GCNT4: variants seen among roughly 807,000 people sequenced by gnomAD.
GCNT4 encodes the protein beta-1,3-galactosyl-O-glycosyl-glycoprotein beta-1,6-N-acetylglucosaminyltransferase 4.
GCNT4 carries 17 observed loss-of-function variants against 31.3 expected under a neutral mutation model. That is an observed-to-expected ratio of 0.54 (90% confidence interval 0.37 to 0.81). The LOEUF (loss-of-function observed/expected upper bound fraction) is 0.81. Among genes scored for constraint, GCNT4 ranks in the 40% least tolerant of loss-of-function variants. GCNT4 has a pLI of 0.00. For synonymous variants in GCNT4, 158 were observed against 190.6 expected (o/e 0.83, Z 1.41); for missense variants, 503 against 525.5 (o/e 0.96, Z 0.42).
chr5:75,050,240 G>A (rs746103635), intron 2 of GCNT4, among the ~76,000 whole-genome samples: 13 of 152,256 alleles, frequency 8.5e-5, no homozygotes, highest in South Asian at 4.2e-4. Flanking sequence ...TAAATCACTC[G>A]CAGTCACACG....
At chr5:75,017,723 G>A in the GCNT4 span, among the ~76,000 whole-genome samples, 4 of 152,240 alleles carry the variant, frequency 2.6e-5, no homozygotes, top group East Asian at 1.9e-4. Flanking sequence ...CCACTTTCCC[G>A]TGACCATGCC....
downstream of GCNT4, among the ~76,000 whole-genome samples, chr5:75,021,922 A>T (rs969860600): frequency 1.3e-5 from 2 of 152,182 alleles, no homozygotes; most frequent in Non-Finnish European, 2.9e-5. Context: ...TGTTGCCTGT[A>T]AATTATATCA....
intron 3 of GCNT4, among the ~76,000 whole-genome samples, chr5:75,035,085 A>G (rs534336094): frequency 4.3e-5 from 6 of 139,894 alleles, no homozygotes; most frequent in African/African-American, 1.7e-4. Flanking sequence ...ACCCCAGCTA[A>G]GCGGACACGA....
chr5:75,023,357 C>T (rs2149943481), downstream of GCNT4, among the ~76,000 whole-genome samples: 1 of 152,272 alleles, frequency 6.6e-6, no homozygotes, highest in South Asian at 2.1e-4. Flanking sequence ...GCATCCTGCA[C>T]AGTTTCTGAG....
At chr5:75,039,115 C>T (rs1743264030) in intron 3 of GCNT4, among the ~76,000 whole-genome samples, 1 of 151,864 alleles carries the variant, frequency 6.6e-6, no homozygotes, top group Non-Finnish European at 1.5e-5. Flanking sequence ...GACAGGGTCT[C>T]ACTCTGTCAC....
intron 3 of GCNT4, among the ~76,000 whole-genome samples, chr5:75,046,580 G>A (rs1743444239): frequency 6.6e-6 from 1 of 152,134 alleles, no homozygotes; most frequent in Non-Finnish European, 1.5e-5. Context: ...ACCTACCCAA[G>A]AGCAGACAGG....
intron 3 of GCNT4, among the ~76,000 whole-genome samples, chr5:75,035,820 T>C (rs539855027): frequency 1.4e-4 from 22 of 152,320 alleles, no homozygotes; most frequent in African/African-American, 4.8e-4. Context: ...CTGAGATGAT[T>C]AGGGACTTCA....
intron 3 of GCNT4, among the ~76,000 whole-genome samples, chr5:75,040,666 A>C (rs554785937): frequency 1.3e-5 from 2 of 152,366 alleles, no homozygotes; most frequent in Non-Finnish European, 2.9e-5. Context: ...CAACTTTGGT[A>C]TGCAAATGTC....
chr5:75,052,193 T>C lies in GCNT4; in HGVS notation c.-167A>G, dbSNP rs528910444. On this transcript the variant is annotated 5_prime_UTR_variant, in exon 2 of 4. Transcript: ENST00000652361. Reference sequence around the variant, plus strand: ...CATGAGACAATTAAACGCATTATATTAGCCCCAACTCTGTTAATCTTCTGG... The same window carrying C: ...CATGAGACAATTAAACGCATTATATCAGCCCCAACTCTGTTAATCTTCTGG... 8 of 149,680 alleles carry C rather than the reference T, an allele frequency of 5.3e-5. No individual in the cohort carries two copies. The South Asian group carries it at 1.7e-3, about 31-fold the overall frequency. 9.3% of individuals were successfully genotyped at this position (149,680 alleles called of 1,614,324 possible).
At chr5:75,019,280 C>CTTA in the GCNT4 span, among the ~76,000 whole-genome samples, 4,375 of 152,186 alleles carry the variant, frequency 0.029, 106 homozygotes, top group African/African-American at 0.065. Context: ...GGGAGAGAGC[C>CTTA]CTAACCACAC....
At chr5:75,043,978 T>C (rs1005962005) in intron 3 of GCNT4, among the ~76,000 whole-genome samples, 1 of 152,216 alleles carries the variant, frequency 6.6e-6, no homozygotes, top group African/African-American at 2.4e-5. Flanking sequence ...GGAAAGCAGA[T>C]GCCAAGATTT....
At position 75,026,899 on chromosome 5, in the gene GCNT4, AG is replaced by A. The variant is rs1326803151; in HGVS notation, c.*1776del. On this transcript the variant is annotated 3_prime_UTR_variant, in exon 4 of 4. Transcript: ENST00000652361. ...AGTAATTTGAAGGGGGTAAATAAAA[AG>A]GGAGAAAAATGAGTTCAAGAGAAGA... 1 of 152,108 alleles carries A rather than the reference AG, an allele frequency of 6.6e-6. No homozygotes were observed. Among genetic ancestry groups the A allele is most frequent in the African/African-American group, 2.4e-5 (1 of 41,442 alleles). 9.4% of individuals were successfully genotyped at this position (152,108 alleles called of 1,614,324 possible). A position where few individuals can be genotyped will look rare whatever the true frequency, so the allele number is the denominator to read the frequency against.
chr5:75,039,431 T>C (rs905403623), intron 3 of GCNT4, among the ~76,000 whole-genome samples: 1 of 152,242 alleles, frequency 6.6e-6, no homozygotes, highest in Non-Finnish European at 1.5e-5. Flanking sequence ...TCAATTATTC[T>C]ATACTCCATT....
chr5:75,020,558 A>C (rs74713850), downstream of GCNT4, among the ~76,000 whole-genome samples: 1,212 of 152,040 alleles, frequency 8.0e-3, 12 homozygotes, highest in Middle Eastern at 0.027. Flanking sequence ...ATAAAATTAC[A>C]TTTCACCTAC....
At chr5:75,037,814 G>A (rs1387417365) in intron 3 of GCNT4, among the ~76,000 whole-genome samples, 2 of 151,906 alleles carry the variant, frequency 1.3e-5, no homozygotes, top group East Asian at 3.9e-4. Flanking sequence ...GGAGATGGAG[G>A]TTGCAGTGAG....
chr5:75,032,233 C>T lies in GCNT4; in HGVS notation c.-1-2195G>A, dbSNP rs1443459752. Among the ~76,000 whole-genome samples the T allele has an allele frequency of 2.6e-5, 4 of 152,150 alleles. No homozygotes were observed. The South Asian group carries it at 6.2e-4, about 24-fold the overall frequency. On this transcript the variant is annotated intron_variant, in intron 3 of 3. Coordinates refer to ENST00000652361, the MANE Select transcript of GCNT4 (RefSeq NM_001366737.1). ...TCACTTCTCTTCTCCTGCATACTTG[C>T]CCCCATCTCCAGATTCCACCTTCCA...
At chr5:75,034,327 G>A (rs1561374792) in intron 3 of GCNT4, among the ~76,000 whole-genome samples, 1 of 152,222 alleles carries the variant, frequency 6.6e-6, no homozygotes, top group Non-Finnish European at 1.5e-5. Context: ...ACAGCCCCAG[G>A]GGACACAAGT....
chr5:75,032,875 GTGTGTGTGTGT>G (rs1561374214), intron 3 of GCNT4, among the ~76,000 whole-genome samples: 1 of 60,540 alleles, frequency 1.7e-5, no homozygotes, highest in East Asian at 4.5e-4. Flanking sequence ...AAATAGGGGT[GTGTGTGTGTGT>G]GTGTGTGTGT....
In GCNT4 at chr5:75,027,155, T is replaced by G. The variant is rs1742961627; in HGVS notation, c.*1521A>C. 1 of 150,562 alleles carries G rather than the reference T, an allele frequency of 6.6e-6. No homozygotes were observed. The highest frequency in any genetic ancestry group is 2.4e-5 in the African/African-American group (1 of 41,046). The allele number at this position is 150,562 out of a possible 1,614,324, so 9.3% of individuals were successfully genotyped here. ...ATATCATGACCAAGAAATTTTTACA[T>G]GAGTTCTACAATTTCCCAAGAGACT... On this transcript the variant is annotated 3_prime_UTR_variant, in exon 4 of 4. Transcript: ENST00000652361.
Sources: gnomAD v4.1 joint callset for allele counts (sites outside exome capture counted in the v4.1 genomes callset) on GRCh38, gnomAD v4.1.1 for gene constraint, MANE v1.5 for transcripts, NCBI Gene and HGNC (gene_info 2026-07-23, HGNC 2026-07-21) for gene names.